The following AMZ1 variants were observed in gnomAD, a reference collection of about 807,000 sequenced individuals.
The protein encoded by AMZ1 is archaemetzincin-1.
A neutral mutation model predicts 29.9 loss-of-function variants in AMZ1; 39 were observed. That is an observed-to-expected ratio of 1.30 (90% CI 1.01 to 1.70). The LOEUF (loss-of-function observed/expected upper bound fraction) is 1.70, where lower values mean the gene tolerates loss of function less well. Ranked by LOEUF, AMZ1 falls within the 40% of genes most tolerant of loss-of-function variation. The probability of loss-of-function intolerance (pLI) is 0.00; values close to 1 mark genes in which losing one functional copy is unlikely to be tolerated. For missense variants in AMZ1, 1,041 were observed against 680.6 expected (o/e 1.53, Z -5.89); for synonymous variants, 458 against 304.0 (o/e 1.51, Z -5.27).
intron 4 of AMZ1, among the ~76,000 whole-genome samples, chr7:2,740,483 C>T (rs2115324826): frequency 1.3e-5 from 2 of 152,278 alleles, no homozygotes; most frequent in East Asian, 3.9e-4. Flanking sequence ...ATGGTGCTGC[C>T]ACCCAGATCC....
At position 2,680,424 on chromosome 7, in the gene AMZ1, C is replaced by G. The variant is rs78898849; in HGVS notation, c.-219+753C>G. Among the ~76,000 whole-genome samples the G allele has an allele frequency of 1.2e-4, 18 of 152,270 alleles. No homozygotes were observed. In the East Asian group the frequency reaches 3.5e-3, roughly 29 times the overall value. ...AGACCCCGGATCCTGCAGGGCTTCT[C>G]CAGGTGTTTCCAGGAGCCCAGACAT... On this transcript the variant is annotated intron_variant, in intron 1 of 6. Transcript: ENST00000312371.
At chr7:2,757,993 C>A (rs1316963850) in intron 4 of AMZ1, among the ~76,000 whole-genome samples, 2 of 152,192 alleles carry the variant, frequency 1.3e-5, no homozygotes, top group African/African-American at 4.8e-5. Context: ...CTGGTTAACA[C>A]AGAACACAAG....
upstream of AMZ1, among the ~76,000 whole-genome samples, chr7:2,687,991 T>C (rs1360008670): frequency 6.6e-6 from 1 of 150,830 alleles, no homozygotes; most frequent in African/African-American, 2.4e-5. Context: ...CTCACCTGTT[T>C]GGCTTTAGGC....
At chr7:2,754,395 G>A (rs1401513926) in intron 4 of AMZ1, among the ~76,000 whole-genome samples, 1 of 152,122 alleles carries the variant, frequency 6.6e-6, no homozygotes, top group African/African-American at 2.4e-5. Context: ...TGTCGGATAT[G>A]TAGTCAGCAA....
intron 1 of AMZ1, among the ~76,000 whole-genome samples, chr7:2,698,588 G>A (rs962553851): frequency 2.5e-4 from 38 of 151,942 alleles, no homozygotes; most frequent in Admixed American, 8.5e-4. Flanking sequence ...AGTGGCTGAC[G>A]CACTTTGGGA....
intron 4 of AMZ1, among the ~76,000 whole-genome samples, chr7:2,743,876 C>T (rs1056591603): frequency 2.6e-5 from 4 of 152,028 alleles, no homozygotes; most frequent in Non-Finnish European, 5.9e-5. Flanking sequence ...GATTACATCC[C>T]GCACCTGGCT....
chr7:2,731,349 G>A lies in AMZ1; in HGVS notation n.550+21533G>A, dbSNP rs61758983. On this transcript the variant is annotated intron_variant and non_coding_transcript_variant, in intron 4 of 4. Coordinates refer to the AMZ1 transcript ENST00000489665. The surrounding 1 kb of genome is among the most constrained non-coding windows in gnomAD (Gnocchi z 6.0). ...AGCACTGGACCAGGTAGCGCTGGAC[G>A]TCCTCCAGCCTGTGCGGGTCGCCCC... The A allele has an allele frequency of 4.9e-3, 7,840 of 1,614,020 alleles. 316 individuals are homozygous for A. The African/African-American group carries it at 0.092, about 19-fold the overall frequency.
chr7:2,686,712 C>T (rs556387936), upstream of AMZ1, among the ~76,000 whole-genome samples: 248 of 150,406 alleles, frequency 1.6e-3, no homozygotes, highest in Non-Finnish European at 2.4e-3. Context: ...TGTTGTTTTT[C>T]TCTCTCTCTC....
chr7:2,748,492 C>T (rs1168982307), intron 4 of AMZ1, among the ~76,000 whole-genome samples: 1 of 152,056 alleles, frequency 6.6e-6, no homozygotes, highest in African/African-American at 2.4e-5. Context: ...TTCCTTACAC[C>T]TTACACAAAA....
At chr7:2,745,408 C>T (rs1465662938) in intron 4 of AMZ1, among the ~76,000 whole-genome samples, 4 of 152,202 alleles carry the variant, frequency 2.6e-5, no homozygotes, top group Admixed American at 2.0e-4. Context: ...AATTTCATAT[C>T]CAGCCAAACT....
chr7:2,711,731 A>T (rs984066362), intron 6 of AMZ1, among the ~76,000 whole-genome samples: 1 of 152,108 alleles, frequency 6.6e-6, no homozygotes, highest in Non-Finnish European at 1.5e-5. Flanking sequence ...TTGCTTTAAA[A>T]TTTTAAATTT....
chr7:2,751,314 C>G (rs1262678637), intron 4 of AMZ1, among the ~76,000 whole-genome samples: 2 of 151,546 alleles, frequency 1.3e-5, no homozygotes, highest in African/African-American at 4.8e-5. Context: ...TCACTTCAAC[C>G]CAGAAGGCCG....
At chr7:2,690,173 C>A (rs1562356093) in intron 1 of AMZ1, among the ~76,000 whole-genome samples, 1 of 152,122 alleles carries the variant, frequency 6.6e-6, no homozygotes, top group Non-Finnish European at 1.5e-5. Flanking sequence ...ATTCTCCAGT[C>A]TGCACTAGGA....
At chr7:2,762,806 G>A (rs550054060), upstream of AMZ1, 121 of 1,531,326 alleles carry the variant, frequency 7.9e-5, no homozygotes, top group African/African-American at 1.5e-3. Flanking sequence ...AGCACTCAGG[G>A]CGGCCTCCCA....
chr7:2,709,795 CAGGCTCATCGAG>C lies in AMZ1; in HGVS notation c.931_942del (p.Leu311_Arg314del). On this transcript the variant is annotated inframe_deletion, in exon 6 of 7. Coordinates refer to ENST00000683327, the MANE Select transcript of AMZ1 (RefSeq NM_001384743.1). ...GGAAGCTGCAGCATGTCCTGGGTTT[CAGGCTCATCGAG>C]AGGTACCAGGTGAGTGGCTGAGTTG... is the stretch of plus-strand genomic sequence containing the variant. 2 of 1,612,064 alleles carry C rather than the reference CAGGCTCATCGAG, an allele frequency of 1.2e-6. No homozygotes were observed. Among genetic ancestry groups the C allele is most frequent in the Non-Finnish European group, 1.7e-6 (2 of 1,179,826 alleles).
chr7:2,720,970 C>T (rs769311921), downstream of AMZ1, among the ~76,000 whole-genome samples: 11 of 152,218 alleles, frequency 7.2e-5, no homozygotes, highest in African/African-American at 9.6e-5. Context: ...TGAGTCACCA[C>T]GCCCAGCCCG....
In AMZ1 at chr7:2,731,822, G is replaced by T; in HGVS notation, n.550+22006G>T. 1 of 785,264 alleles carries T rather than the reference G, an allele frequency of 1.3e-6. No homozygotes were observed. Among genetic ancestry groups the T allele is most frequent in the South Asian group, 3.0e-5 (1 of 33,614 alleles). 48.6% of individuals were successfully genotyped at this position (785,264 alleles called of 1,614,324 possible). ...ACAGAGAAAATAGAAACAAAAAGATGGCAAAAAGATAAGAAGGAAAGAGAC... is the reference window on the plus strand; with the variant it reads ...ACAGAGAAAATAGAAACAAAAAGATTGCAAAAAGATAAGAAGGAAAGAGAC... On this transcript the variant is annotated intron_variant and non_coding_transcript_variant, in intron 4 of 4. Transcript: ENST00000489665. The surrounding 1 kb of genome is among the most constrained non-coding windows in gnomAD (Gnocchi z 6.0).
chr7:2,706,469 C>G (rs148711387), intron 3 of AMZ1, among the ~76,000 whole-genome samples: 79 of 152,342 alleles, frequency 5.2e-4, no homozygotes, highest in African/African-American at 1.9e-3. Flanking sequence ...TTTCTTGTCT[C>G]ACATCGCTGG....
At chr7:2,684,674 G>A (rs990305533), upstream of AMZ1, among the ~76,000 whole-genome samples, 1 of 152,176 alleles carries the variant, frequency 6.6e-6, no homozygotes, top group South Asian at 2.1e-4. Flanking sequence ...TGGACAGGGC[G>A]TTGGCTGAGT....
Sources: allele counts gnomAD v4.1 joint callset (sites outside exome capture counted in the v4.1 genomes callset), GRCh38; gene constraint gnomAD v4.1.1; non-coding constraint Gnocchi (gnomAD v3.1); transcripts MANE v1.5; gene names NCBI Gene and HGNC (gene_info 2026-07-23, HGNC 2026-07-21).